The following C1QTNF3 variants were observed in gnomAD, a reference collection of about 807,000 sequenced individuals.
C1QTNF3 encodes the protein complement C1q tumor necrosis factor-related protein 3.
A neutral mutation model predicts 32.6 loss-of-function variants in C1QTNF3; 26 were observed. That is an observed-to-expected ratio of 0.80 (90% CI 0.58 to 1.11). The LOEUF (loss-of-function observed/expected upper bound fraction) is 1.11, where lower values mean the gene tolerates loss of function less well. Among genes scored for constraint, C1QTNF3 ranks in the 50% least tolerant of loss-of-function variants. The pLI, the probability that C1QTNF3 is intolerant of heterozygous loss-of-function variation, is 0.00. For missense variants in C1QTNF3, 362 were observed against 398.2 expected (o/e 0.91, Z 0.77); for synonymous variants, 155 against 146.0 (o/e 1.06, Z -0.44).
At chr5:34,038,028 G>T (rs1025650069) in intron 1 of C1QTNF3, among the ~76,000 whole-genome samples, 3 of 152,190 alleles carry the variant, frequency 2.0e-5, no homozygotes, top group African/African-American at 7.2e-5. Flanking sequence ...GAAATACTGA[G>T]ATGCTTAGGA....
At chr5:34,054,834 C>T in the C1QTNF3 span, among the ~76,000 whole-genome samples, 2 of 152,250 alleles carry the variant, frequency 1.3e-5, no homozygotes, top group Admixed American at 6.5e-5. Flanking sequence ...TTATCATCTC[C>T]TCCATCTCCC....
chr5:34,124,675 G>A, the C1QTNF3 span: 1 of 442,668 alleles, frequency 2.3e-6, no homozygotes, highest in East Asian at 3.6e-5. Context: ...TTCAACATGA[G>A]ATTTGGGTGA....
At chr5:34,038,209 G>A (rs1436908132) in intron 1 of C1QTNF3, among the ~76,000 whole-genome samples, 1 of 152,148 alleles carries the variant, frequency 6.6e-6, no homozygotes, top group African/African-American at 2.4e-5. Flanking sequence ...TTCAAAATAC[G>A]TGCTTCAGCG....
chr5:34,020,338 AGG>A lies in C1QTNF3; in HGVS notation c.*243_*244del. 5.2e-6 allele frequency: 2 copies of A among 386,646 alleles called. No homozygotes were observed. Among genetic ancestry groups the A allele is most frequent in the Admixed American group, 8.3e-5 (2 of 24,066 alleles). 24.0% of individuals were successfully genotyped at this position (386,646 alleles called of 1,614,324 possible). ...GAGGAGAATTATCTTTTAGGTGCCA[AGG>A]AAAGAGTGATAAAGATGCTGAGTAT... On this transcript the variant is annotated 3_prime_UTR_variant, in exon 6 of 6. Transcript: ENST00000382065.
chr5:34,208,037 A>G, the C1QTNF3 span, among the ~76,000 whole-genome samples: 1 of 152,118 alleles, frequency 6.6e-6, no homozygotes, highest in Non-Finnish European at 1.5e-5. Flanking sequence ...TGATCTGCCC[A>G]CCTTGGCCTC....
the C1QTNF3 span, among the ~76,000 whole-genome samples, chr5:34,114,555 T>C: frequency 1.8e-4 from 27 of 152,156 alleles, no homozygotes; most frequent in Non-Finnish European, 3.1e-4. Flanking sequence ...CTATATTTCA[T>C]ATAGTTATTT....
At chr5:34,104,240 C>T in the C1QTNF3 span, among the ~76,000 whole-genome samples, 3 of 43,282 alleles carry the variant, frequency 6.9e-5, no homozygotes, top group African/African-American at 2.7e-4. Flanking sequence ...TAAGACATGG[C>T]ATTGTGAATA....
the C1QTNF3 span, among the ~76,000 whole-genome samples, chr5:34,162,307 CTTGT>C: frequency 3.8e-4 from 58 of 152,250 alleles, no homozygotes; most frequent in African/African-American, 1.4e-3. Flanking sequence ...ATGGGCCAAA[CTTGT>C]TTTTATAACA....
intron 5 of C1QTNF3, among the ~76,000 whole-genome samples, chr5:34,022,629 G>A (rs1450117186): frequency 2.6e-5 from 4 of 152,158 alleles, no homozygotes; most frequent in Non-Finnish European, 4.4e-5. Flanking sequence ...AAGGTTAGCT[G>A]TTCACCAGAA....
the C1QTNF3 span, among the ~76,000 whole-genome samples, chr5:34,127,619 G>A: frequency 6.9e-6 from 1 of 145,458 alleles, no homozygotes; most frequent in South Asian, 2.2e-4. Context: ...ACGGAGTCTC[G>A]CTCTGTCACC....
chr5:34,094,024 G>T, the C1QTNF3 span, among the ~76,000 whole-genome samples: 1 of 152,160 alleles, frequency 6.6e-6, no homozygotes, highest in Non-Finnish European at 1.5e-5. Context: ...GAGCAATCCT[G>T]CATCACCAGG....
chr5:34,233,865 ATTACT>A, the C1QTNF3 span, among the ~76,000 whole-genome samples: 1,606 of 152,296 alleles, frequency 0.011, 31 homozygotes, highest in African/African-American at 0.036. Flanking sequence ...TACACCAAAC[ATTACT>A]TTATTGAGCT....
upstream of C1QTNF3, chr5:34,043,493 A>T: frequency 4.7e-6 from 1 of 212,656 alleles, no homozygotes; most frequent in Non-Finnish European, 9.4e-6. Flanking sequence ...TTAGACATGG[A>T]AAGGCTGTGT....
At chr5:34,059,669 A>G in the C1QTNF3 span, among the ~76,000 whole-genome samples, 1 of 152,164 alleles carries the variant, frequency 6.6e-6, no homozygotes, top group East Asian at 1.9e-4. Context: ...TAACACCATC[A>G]GCTTGGGGGT....
chr5:34,175,048 CTT>C, the C1QTNF3 span, among the ~76,000 whole-genome samples: 22 of 136,446 alleles, frequency 1.6e-4, no homozygotes, highest in Admixed American at 2.3e-4. Context: ...TGCCCAGCTC[CTT>C]TTTTTTTTTT....
At chr5:34,048,367 C>T in the C1QTNF3 span, among the ~76,000 whole-genome samples, 1 of 149,856 alleles carries the variant, frequency 6.7e-6, no homozygotes, top group Middle Eastern at 3.2e-3. Flanking sequence ...GCATTTGTGT[C>T]CATCAGGCTC....
chr5:34,218,945 AAG>A, the C1QTNF3 span, among the ~76,000 whole-genome samples: 9 of 152,180 alleles, frequency 5.9e-5, no homozygotes, highest in African/African-American at 2.2e-4. Context: ...GTGTCTTCTA[AAG>A]AGAAAAATAC....
In C1QTNF3 at chr5:34,029,012, GAAAC is replaced by G. The variant is rs1193495579; in HGVS notation, c.571-133_571-130del. 46 of 676,354 alleles carry G rather than the reference GAAAC, an allele frequency of 6.8e-5. 1 individual carries two copies. Among genetic ancestry groups the G allele is most frequent in the Non-Finnish European group, 1.4e-5 (6 of 431,450 alleles). 41.9% of individuals were successfully genotyped at this position (676,354 alleles called of 1,614,324 possible). A position where few individuals can be genotyped will look rare whatever the true frequency, so the allele number is the denominator to read the frequency against. On this transcript the variant is annotated intron_variant, in intron 3 of 5. Coordinates refer to ENST00000382065, the MANE Select transcript of C1QTNF3 (RefSeq NM_181435.6). ...GAATAAACATCAATCTATGGAGAGA[GAAAC>G]AAATAAATTATGGTAATTCCAACAT...
At chr5:34,240,653 T>C in the C1QTNF3 span, among the ~76,000 whole-genome samples, 1 of 152,058 alleles carries the variant, frequency 6.6e-6, no homozygotes, top group African/African-American at 2.4e-5. Context: ...CAAAAAGCCC[T>C]GGACTATATG....
Sources: gnomAD v4.1 joint callset for allele counts (sites outside exome capture counted in the v4.1 genomes callset) on GRCh38, gnomAD v4.1.1 for gene constraint, MANE v1.5 for transcripts, NCBI Gene and HGNC (gene_info 2026-07-23, HGNC 2026-07-21) for gene names.